Variants in SEL1L2 observed in about 807,000 individuals in gnomAD.
SEL1L2 encodes the protein SEL1L2 adaptor subunit of SYVN1 ubiquitin ligase, also known as protein sel-1 homolog 2.
Under a neutral mutation model 98.8 loss-of-function variants are expected in SEL1L2, and 89 were observed. That is an observed-to-expected ratio of 0.90 (90% confidence interval 0.76 to 1.07). The LOEUF is 1.07. Ranked by LOEUF, SEL1L2 falls within the 50% of genes least tolerant of loss-of-function variation. The probability of loss-of-function intolerance (pLI) is 0.00; values close to 1 mark genes in which losing one functional copy is unlikely to be tolerated. For synonymous variants in SEL1L2, 262 were observed against 278.5 expected (o/e 0.94, Z 0.59); for missense variants, 788 against 812.0 (o/e 0.97, Z 0.36).
intron 18 of SEL1L2, among the ~76,000 whole-genome samples, chr20:13,856,855 T>C (rs1989246438): frequency 2.0e-5 from 3 of 152,230 alleles, no homozygotes; most frequent in Non-Finnish European, 4.4e-5. Context: ...TCTTTCTCAC[T>C]AGTTTGCATG....
At chr20:13,933,289 T>C (rs896662707) in intron 2 of SEL1L2, among the ~76,000 whole-genome samples, 1 of 152,176 alleles carries the variant, frequency 6.6e-6, no homozygotes, top group Non-Finnish European at 1.5e-5. Flanking sequence ...TATTAACCCA[T>C]TTAAAGTGTA....
At chr20:13,983,839 A>G (rs1193030414) in intron 1 of SEL1L2, among the ~76,000 whole-genome samples, 1 of 151,672 alleles carries the variant, frequency 6.6e-6, no homozygotes, top group Admixed American at 6.6e-5. Flanking sequence ...CTTTTAAAAA[A>G]TAACTGTTTT....
chr20:13,853,811 T>C (rs999023876), intron 18 of SEL1L2, among the ~76,000 whole-genome samples: 5 of 152,236 alleles, frequency 3.3e-5, no homozygotes, highest in Admixed American at 1.3e-4. Context: ...CATTGTGGAA[T>C]AGTATACCAC....
intron 14 of SEL1L2, among the ~76,000 whole-genome samples, chr20:13,868,503 T>G (rs1301842181): frequency 6.6e-6 from 1 of 152,164 alleles, no homozygotes; most frequent in Non-Finnish European, 1.5e-5. Flanking sequence ...CTTCCTGATC[T>G]TCCGTTCATG....
chr20:13,994,739 A>G (rs1364139976), upstream of SEL1L2, among the ~76,000 whole-genome samples: 1 of 152,240 alleles, frequency 6.6e-6, no homozygotes. Flanking sequence ...GGTAGAATAA[A>G]GTAAGACCAC....
At chr20:13,907,742 C>CT (rs111587079) in intron 5 of SEL1L2, among the ~76,000 whole-genome samples, 11,670 of 82,916 alleles carry the variant, frequency 0.14, 591 homozygotes, top group East Asian at 0.17. Flanking sequence ...TTCTTTCTTT[C>CT]TTTCTTTTCT....
intron 2 of SEL1L2, among the ~76,000 whole-genome samples, chr20:13,950,954 G>A (rs185385647): frequency 2.0e-4 from 30 of 152,222 alleles, no homozygotes; most frequent in African/African-American, 6.7e-4. Context: ...GGAGAAGTAC[G>A]ACCCTGAAGT....
chr20:13,955,913 C>T (rs566423014), intron 2 of SEL1L2, among the ~76,000 whole-genome samples, 163 bp downstream of exon 2: 1 of 151,736 alleles, frequency 6.6e-6, no homozygotes, highest in Non-Finnish European at 1.5e-5. Flanking sequence ...TATCCTCTCA[C>T]GGTTGACTAA....
At chr20:13,875,515 C>T (rs758864860) in intron 12 of SEL1L2, among the ~76,000 whole-genome samples, 92 of 152,330 alleles carry the variant, frequency 6.0e-4, no homozygotes, top group Non-Finnish European at 1.2e-3. Flanking sequence ...GCCATTCAAG[C>T]CAGGGATTCT....
chr20:13,895,388 A>T (rs1350436421), intron 5 of SEL1L2, among the ~76,000 whole-genome samples: 1 of 149,518 alleles, frequency 6.7e-6, no homozygotes, highest in Non-Finnish European at 1.5e-5. Context: ...GGTTGCAGTG[A>T]GCCAAGATCA....
At chr20:13,876,609 C>A (rs1438506734) in intron 11 of SEL1L2, among the ~76,000 whole-genome samples, 1 of 152,062 alleles carries the variant, frequency 6.6e-6, no homozygotes, top group Non-Finnish European at 1.5e-5. Flanking sequence ...CCACAGGAGG[C>A]CTCTCATCAG....
chr20:13,918,147 C>T (rs1238997462), intron 4 of SEL1L2, among the ~76,000 whole-genome samples: 1 of 152,106 alleles, frequency 6.6e-6, no homozygotes, highest in African/African-American at 2.4e-5. Flanking sequence ...TGCCCCCATA[C>T]CTTCAACTTA....
intron 1 of SEL1L2, among the ~76,000 whole-genome samples, chr20:13,986,360 T>C (rs545461278): frequency 6.6e-5 from 10 of 152,308 alleles, no homozygotes; most frequent in African/African-American, 2.4e-4. Context: ...AACTTCATCA[T>C]CCCGGAAGTA....
intron 5 of SEL1L2, among the ~76,000 whole-genome samples, chr20:13,893,062 C>T (rs1238144235): frequency 6.6e-6 from 1 of 152,098 alleles, no homozygotes; most frequent in African/African-American, 2.4e-5. Flanking sequence ...CCCAACAGAC[C>T]ACCTGGTGCC....
At chr20:13,911,595 A>C (rs902217850) in intron 5 of SEL1L2, among the ~76,000 whole-genome samples, 8 of 152,212 alleles carry the variant, frequency 5.3e-5, no homozygotes, top group African/African-American at 1.7e-4. Flanking sequence ...TGTAATTTCA[A>C]GAAAGAGTTC....
rs7271958 is a variant in SEL1L2, at chr20:13,949,705, A to C, written c.114+6371T>G. Among the ~76,000 whole-genome samples the C allele has an allele frequency of 8.6e-3, 1,282 of 149,406 alleles. 20 individuals carry two copies. The highest frequency in any genetic ancestry group is 0.029 in the African/African-American group (1,175 of 40,418). On this transcript the variant is annotated intron_variant, in intron 2 of 19. Coordinates refer to ENST00000284951, the MANE Select transcript of SEL1L2 (RefSeq NM_025229.2). ...ACAAACAACAAAAAAAACCAAACAA[A>C]CAAAAAAGAACAAGTGCTGGAGACA...
intron 1 of SEL1L2, among the ~76,000 whole-genome samples, chr20:13,983,453 G>A (rs1569087023): frequency 6.6e-6 from 1 of 152,024 alleles, no homozygotes; most frequent in Non-Finnish European, 1.5e-5. Context: ...AAAAAGTGAG[G>A]TTAAGGGCTA....
chr20:13,877,601 G>A lies in SEL1L2; in HGVS notation c.958-13C>T, dbSNP rs780522526. 4.4e-6 allele frequency: 7 copies of A among 1,607,344 alleles called. No individual in the cohort carries two copies. Among genetic ancestry groups the A allele is most frequent in the African/African-American group, 4.0e-5 (3 of 74,778 alleles). On this transcript the variant is annotated splice_polypyrimidine_tract_variant and intron_variant, in intron 10 of 19. Transcript: ENST00000284951. Reference sequence around the variant, plus strand: ...AGTGTAATGCTTTCTGGAGAGAAAAGGAACAGTGTTATTGCTAGTCACAAA... The same window carrying A: ...AGTGTAATGCTTTCTGGAGAGAAAAAGAACAGTGTTATTGCTAGTCACAAA...
intron 1 of SEL1L2, among the ~76,000 whole-genome samples, chr20:13,957,983 G>A (rs1241536462): frequency 6.6e-6 from 1 of 152,134 alleles, no homozygotes. Flanking sequence ...CATTAGGATT[G>A]TTCCTTAGGT....
Sources: allele counts gnomAD v4.1 joint callset (sites outside exome capture counted in the v4.1 genomes callset), GRCh38; gene constraint gnomAD v4.1.1; transcripts MANE v1.5; gene names NCBI Gene and HGNC (gene_info 2026-07-23, HGNC 2026-07-21).